Variants in GTF2F2 observed in about 807,000 individuals in gnomAD.
The protein encoded by GTF2F2 is ATP-dependent helicase GTF2F2.
Under a neutral mutation model 42.2 loss-of-function variants are expected in GTF2F2, and 23 were observed. That is an observed-to-expected ratio of 0.55 (90% confidence interval 0.39 to 0.77). The LOEUF (loss-of-function observed/expected upper bound fraction) is 0.77, where lower values mean the gene tolerates loss of function less well. Ranked by LOEUF, GTF2F2 falls within the 30% of genes least tolerant of loss-of-function variation. The pLI is 0.00. For synonymous variants in GTF2F2, 105 were observed against 100.8 expected, an observed-to-expected ratio of 1.04 and a Z score of -0.25; for missense variants, 261 against 287.2, an observed-to-expected ratio of 0.91 and a Z score of 0.66.
intron 5 of GTF2F2, among the ~76,000 whole-genome samples, chr13:45,239,909 C>G (rs1035653899): frequency 6.6e-6 from 1 of 152,076 alleles, no homozygotes; most frequent in African/African-American, 2.4e-5. Context: ...CACTCTGCCC[C>G]TTACAAGCTT....
chr13:45,182,201 A>T (rs932455284), intron 4 of GTF2F2, among the ~76,000 whole-genome samples: 4 of 152,062 alleles, frequency 2.6e-5, no homozygotes, highest in Non-Finnish European at 5.9e-5. Flanking sequence ...CCCAGGCTGG[A>T]GTACAGTGGT....
At chr13:45,190,179 G>T (rs1464744585) in intron 4 of GTF2F2, among the ~76,000 whole-genome samples, 2 of 152,094 alleles carry the variant, frequency 1.3e-5, no homozygotes, top group Non-Finnish European at 2.9e-5. Context: ...CCATAAAAAA[G>T]TGGGCAAAGG....
In GTF2F2 at chr13:45,246,814, G is replaced by C. The variant is rs540455437; in HGVS notation, c.387-6057G>C. Among the ~76,000 whole-genome samples the C allele has an allele frequency of 3.5e-3, 537 of 152,224 alleles. 1 individual carries two copies. Among genetic ancestry groups the C allele is most frequent in the African/African-American group, 0.012 (508 of 41,532 alleles). ...GCACTTTGGGAGGCCAATGCGGGCGGATCACGAGGTCAGGAGCTCTAGACC... is the reference window on the plus strand; with the variant it reads ...GCACTTTGGGAGGCCAATGCGGGCGCATCACGAGGTCAGGAGCTCTAGACC... On this transcript the variant is annotated intron_variant, in intron 5 of 7. Transcript: ENST00000340473.
rs190945594 is a variant in GTF2F2 at position 45,167,219 on chromosome 13, A to T, written c.304+15388A>T. On this transcript the variant is annotated intron_variant, in intron 4 of 7. Coordinates refer to ENST00000340473, the MANE Select transcript of GTF2F2 (RefSeq NM_004128.3). ...AAAGCCCTACAGACACATACTATACATACTATTTTACTATTTTTTTTTTTT... is the reference window on the plus strand; with the variant it reads ...AAAGCCCTACAGACACATACTATACTTACTATTTTACTATTTTTTTTTTTT... Among the ~76,000 whole-genome samples the T allele has an allele frequency of 2.7e-5, 4 of 149,106 alleles. No individual in the cohort carries two copies. The East Asian group carries it at 7.8e-4, about 29-fold the overall frequency.
At chr13:45,206,559 G>A (rs1873420794) in intron 4 of GTF2F2, 1 of 152,276 alleles carries the variant, frequency 6.6e-6, no homozygotes, top group Non-Finnish European at 1.5e-5. Context: ...GTGAATTCTT[G>A]TGGAAATATG....
rs75160158 is a variant in GTF2F2 at position 45,184,189 on chromosome 13, T to C, written c.305-23235T>C. 4.9e-3 allele frequency among the ~76,000 whole-genome samples: 746 copies of C among 152,130 alleles called. 17 individuals carry two copies. The highest frequency in any genetic ancestry group is 0.017 in the African/African-American group (722 of 41,434). On this transcript the variant is annotated intron_variant, in intron 4 of 7. Coordinates refer to ENST00000340473, the MANE Select transcript of GTF2F2 (RefSeq NM_004128.3). ...ACTTTCCCAGAAGAGTGATTTCTTATAATACTGTAATACCTGAAACTTGTT... is the reference window on the plus strand; with the variant it reads ...ACTTTCCCAGAAGAGTGATTTCTTACAATACTGTAATACCTGAAACTTGTT...
chr13:45,259,979 A>AT (rs374425379), intron 6 of GTF2F2, among the ~76,000 whole-genome samples: 571 of 145,924 alleles, frequency 3.9e-3, no homozygotes, highest in African/African-American at 8.1e-3. Context: ...TCTCTCTCTC[A>AT]TTTTTTTTTT....
chr13:45,194,539 T>C lies in GTF2F2; in HGVS notation c.305-12885T>C, dbSNP rs141883616. On this transcript the variant is annotated intron_variant, in intron 4 of 7. Coordinates refer to ENST00000340473, the MANE Select transcript of GTF2F2 (RefSeq NM_004128.3). The stretch of plus-strand genomic sequence containing the variant: ...GTGTTTCCCTTCATACTCCTTTTCT[T>C]TTTCTCTTCTGTTTATTTTACGCTC... The C allele has an allele frequency of 3.6e-4, 585 of 1,612,564 alleles. 1 individual carries two copies. Among genetic ancestry groups the C allele is most frequent in the Non-Finnish European group, 4.6e-4 (547 of 1,179,476 alleles).
At chr13:45,215,319 A>T (rs1324073641) in intron 5 of GTF2F2, among the ~76,000 whole-genome samples, 1 of 152,272 alleles carries the variant, frequency 6.6e-6, no homozygotes, top group African/African-American at 2.4e-5. Flanking sequence ...TTGAGAATGA[A>T]AGCAGGCACT....
chr13:45,222,089 C>T (rs532282844), intron 5 of GTF2F2, among the ~76,000 whole-genome samples: 1 of 152,166 alleles, frequency 6.6e-6, no homozygotes, highest in Non-Finnish European at 1.5e-5. Flanking sequence ...TGACATTACT[C>T]AGGTTTATTG....
At chr13:45,122,448 A>G (rs1868698590) in intron 1 of GTF2F2, among the ~76,000 whole-genome samples, 1 of 150,858 alleles carries the variant, frequency 6.6e-6, no homozygotes, top group African/African-American at 2.5e-5. Flanking sequence ...AGCCTGGCCA[A>G]TATGGTGAAA....
chr13:45,141,693 T>C (rs1869934853), intron 2 of GTF2F2, among the ~76,000 whole-genome samples: 1 of 152,204 alleles, frequency 6.6e-6, no homozygotes, highest in Non-Finnish European at 1.5e-5. Context: ...ACCTACTTTC[T>C]TGTTTTTTTT....
intron 5 of GTF2F2, among the ~76,000 whole-genome samples, chr13:45,210,039 G>C (rs1019618604): frequency 6.6e-6 from 1 of 152,164 alleles, no homozygotes; most frequent in Admixed American, 6.5e-5. Flanking sequence ...CAGAGTTCCT[G>C]CTTCCACCCT....
chr13:45,127,918 A>G (rs1377010482), intron 1 of GTF2F2, among the ~76,000 whole-genome samples: 1 of 117,580 alleles, frequency 8.5e-6, no homozygotes, highest in African/African-American at 3.3e-5. Flanking sequence ...GGCATGAGCC[A>G]CTGTGCCTGG....
chr13:45,193,556 T>C (rs1362297953), intron 4 of GTF2F2: 13 of 473,614 alleles, frequency 2.7e-5, no homozygotes, highest in Non-Finnish European at 4.4e-5. Flanking sequence ...TTACAGTATA[T>C]AGAAGGTTAC....
In GTF2F2 at chr13:45,219,039, T is replaced by TG. The variant is rs1403316889; in HGVS notation, c.386+11534_386+11535insG. Among the ~76,000 whole-genome samples, 7 of 151,524 alleles carry TG rather than the reference T, an allele frequency of 4.6e-5. No individual in the cohort carries two copies. In the South Asian group the frequency reaches 8.3e-4, roughly 18 times the overall value. ...GGGGTTTTTTTGTTTTGTTTTGTTT[T>TG]TTTTAAAAAAAAGGCTGCTCAAAGG... On this transcript the variant is annotated intron_variant, in intron 5 of 7. Coordinates refer to ENST00000340473, the MANE Select transcript of GTF2F2 (RefSeq NM_004128.3).
rs1476891834 is a variant in GTF2F2 at position 45,122,301 on chromosome 13, G to GCCA, written c.66+1580_66+1581insCCA. On this transcript the variant is annotated intron_variant, in intron 1 of 7. Coordinates refer to ENST00000340473, the MANE Select transcript of GTF2F2 (RefSeq NM_004128.3). ...AAAAATGTTTGGCAGTGTGCAGTAC[G>GCCA]AATTAGAGGGGAGGGTAACCAGAGT... Among the ~76,000 whole-genome samples the GCCA allele has an allele frequency of 1.8e-4, 28 of 152,170 alleles. No homozygotes were observed. The East Asian group carries it at 5.2e-3, about 28-fold the overall frequency.
At chr13:45,120,798 G>A (rs1035890429) in intron 1 of GTF2F2, 77 bp downstream of exon 1, 33 of 1,065,808 alleles carry the variant, frequency 3.1e-5, no homozygotes, top group Non-Finnish European at 4.1e-5. Context: ...ATCCCGCTCC[G>A]TGCGCCTCTT....
intron 5 of GTF2F2, among the ~76,000 whole-genome samples, chr13:45,246,899 G>C (rs1029511238): frequency 6.6e-6 from 1 of 151,816 alleles, no homozygotes; most frequent in Non-Finnish European, 1.5e-5. Context: ...TTAGCCTGGC[G>C]TGGTGGCGGG....
Sources: allele counts gnomAD v4.1 joint callset (sites outside exome capture counted in the v4.1 genomes callset), GRCh38; gene constraint gnomAD v4.1.1; transcripts MANE v1.5; gene names NCBI Gene and HGNC (gene_info 2026-07-23, HGNC 2026-07-21).